CSRNP3: variants seen among roughly 807,000 people sequenced by gnomAD.
The protein encoded by CSRNP3 is cysteine and serine rich nuclear protein 3.
In CSRNP3, 12 loss-of-function variants were observed where a neutral mutation model predicts 48.0. The observed-to-expected ratio is 0.25, with a 90% CI of 0.16 to 0.41. The LOEUF (loss-of-function observed/expected upper bound fraction) is 0.41. CSRNP3 is among the 10% of genes least tolerant of loss of function. CSRNP3 has a pLI of 1.00. For synonymous variants in CSRNP3, 263 were observed against 269.7 expected, an observed-to-expected ratio of 0.98 and a Z score of 0.24; for missense variants, 580 against 724.4, an observed-to-expected ratio of 0.80 and a Z score of 2.29.
At chr2:165,596,813 CGTT>C (rs1685819322) in intron 4 of CSRNP3, among the ~76,000 whole-genome samples, 1 of 152,138 alleles carries the variant, frequency 6.6e-6, no homozygotes, top group African/African-American at 2.4e-5. Flanking sequence ...CATGAAAAAA[CGTT>C]GTAAAATGTC....
chr2:165,548,311 A>G lies in CSRNP3; in HGVS notation c.-24+30350A>G, dbSNP rs550902686. On this transcript the variant is annotated intron_variant, in intron 3 of 6. Transcript: ENST00000651982. The stretch of plus-strand genomic sequence containing the variant: ...ATTTCTGCCACTTACTAATAGTAGG[A>G]TCTTAACTATTATTTCATCTCTCCT... 4.0e-4 allele frequency among the ~76,000 whole-genome samples: 61 copies of G among 152,194 alleles called. 2 individuals carry two copies. Among genetic ancestry groups the G allele is most frequent in the African/African-American group, 1.4e-3 (58 of 41,558 alleles).
chr2:165,652,759 GT>G (rs1686935915), intron 4 of CSRNP3, among the ~76,000 whole-genome samples: 1 of 151,860 alleles, frequency 6.6e-6, no homozygotes, highest in African/African-American at 2.4e-5. Context: ...GCTCAGGCTG[GT>G]CTCGAACTCC....
rs1222724161 is a variant in CSRNP3 at position 165,469,702 on chromosome 2, T to C, written c.-321T>C. On this transcript the variant is annotated 5_prime_UTR_variant, in exon 1 of 7. Transcript: ENST00000651982. ...AGGGAGGAGTGTACTCTCTTCAGTG[T>C]GTTCTGACGGAGCCGAAGTACAGAA... 6.6e-6 allele frequency: 1 copy of C among 152,452 alleles called. No homozygotes were observed. Among genetic ancestry groups the C allele is most frequent in the South Asian group, 2.1e-4 (1 of 4,826 alleles). The allele number at this position is 152,452 out of a possible 1,614,324, so 9.4% of individuals were successfully genotyped here.
At chr2:165,645,798 TG>T (rs1420670571) in intron 4 of CSRNP3, among the ~76,000 whole-genome samples, 1 of 152,214 alleles carries the variant, frequency 6.6e-6, no homozygotes, top group African/African-American at 2.4e-5. Context: ...TAGGCTGGAG[TG>T]CAATGGCAAG....
At chr2:165,486,172 T>G (rs12151823) in intron 1 of CSRNP3, among the ~76,000 whole-genome samples, 59 of 152,220 alleles carry the variant, frequency 3.9e-4, no homozygotes, top group Non-Finnish European at 7.2e-4. Flanking sequence ...CCGAGTCAAA[T>G]AAATGGGTGA....
At chr2:165,570,524 A>C (rs1685355077) in intron 3 of CSRNP3, among the ~76,000 whole-genome samples, 1 of 151,676 alleles carries the variant, frequency 6.6e-6, no homozygotes, top group Admixed American at 6.6e-5. Flanking sequence ...CTTGCAAATA[A>C]CTTAGTTTTC....
At chr2:165,483,982 A>G (rs982916611) in intron 1 of CSRNP3, among the ~76,000 whole-genome samples, 9 of 152,246 alleles carry the variant, frequency 5.9e-5, no homozygotes, top group African/African-American at 2.2e-4. Flanking sequence ...TTGAATAAAT[A>G]TAGCAATTGT....
chr2:165,529,617 A>G (rs1449167724), intron 3 of CSRNP3, among the ~76,000 whole-genome samples: 1 of 152,212 alleles, frequency 6.6e-6, no homozygotes, highest in African/African-American at 2.4e-5. Context: ...GTATAAATAC[A>G]TATACACACA....
intron 4 of CSRNP3, among the ~76,000 whole-genome samples, chr2:165,599,283 G>GAGAAAGAA (rs752383197): frequency 0.12 from 12,439 of 104,482 alleles, 820 homozygotes; most frequent in East Asian, 0.18. Context: ...AAGAGAGAGA[G>GAGAAAGAA]AGAAAGAAAG....
chr2:165,511,980 T>C (rs1422268663), intron 2 of CSRNP3, among the ~76,000 whole-genome samples: 2 of 152,136 alleles, frequency 1.3e-5, no homozygotes, highest in Non-Finnish European at 2.9e-5. Context: ...GGTGAGTGTA[T>C]GTGCAAGGGA....
At chr2:165,618,250 G>C (rs930246614) in intron 4 of CSRNP3, among the ~76,000 whole-genome samples, 1 of 152,148 alleles carries the variant, frequency 6.6e-6, no homozygotes, top group Non-Finnish European at 1.5e-5. Flanking sequence ...CTCCATCCTG[G>C]CTTTGAGCCA....
At chr2:165,476,954 G>A (rs190138679) in intron 1 of CSRNP3, among the ~76,000 whole-genome samples, 53 of 152,196 alleles carry the variant, frequency 3.5e-4, no homozygotes, top group African/African-American at 1.2e-3. Flanking sequence ...TATTTGTAAT[G>A]ACTTCCTAAG....
chr2:165,656,571 A>G (rs2168009), intron 4 of CSRNP3, among the ~76,000 whole-genome samples: 17 of 152,190 alleles, frequency 1.1e-4, no homozygotes, highest in Non-Finnish European at 1.9e-4. Flanking sequence ...AAGAAAAAGT[A>G]GTTCTGATAT....
At position 165,680,246 on chromosome 2, in the gene CSRNP3, T is replaced by A. The variant is rs1687511291; in HGVS notation, c.*493T>A. On this transcript the variant is annotated 3_prime_UTR_variant, in exon 7 of 7. Transcript: ENST00000651982. ...TTTATGGTAGTTTAGAAGACATGTT[T>A]TGATGAAAATGAACAGCCGCATGTT... 6.5e-6 allele frequency: 1 copy of A among 154,194 alleles called. No individual in the cohort carries two copies. The highest frequency in any genetic ancestry group is 2.4e-5 in the African/African-American group (1 of 41,454). 9.6% of individuals were successfully genotyped at this position (154,194 alleles called of 1,614,324 possible). A position where few individuals can be genotyped will look rare whatever the true frequency, so the allele number is the denominator to read the frequency against.
chr2:165,580,524 T>G (rs1466383683), intron 3 of CSRNP3, among the ~76,000 whole-genome samples: 1 of 152,214 alleles, frequency 6.6e-6, no homozygotes, highest in African/African-American at 2.4e-5. Flanking sequence ...TCCTTTATTT[T>G]TTGTGCAGTA....
intron 4 of CSRNP3, among the ~76,000 whole-genome samples, chr2:165,599,093 C>A (rs960646738): frequency 6.6e-6 from 1 of 151,604 alleles, no homozygotes; most frequent in Non-Finnish European, 1.5e-5. Context: ...AGAAAAATAG[C>A]CAAGTATGGT....
At chr2:165,521,862 C>T (rs1231423271) in intron 3 of CSRNP3, among the ~76,000 whole-genome samples, 2 of 152,240 alleles carry the variant, frequency 1.3e-5, no homozygotes, top group East Asian at 3.9e-4. Flanking sequence ...CCGATGTCCC[C>T]TCAGAGCAAA....
At chr2:165,575,881 TA>T (rs1256724124) in intron 3 of CSRNP3, among the ~76,000 whole-genome samples, 21 of 152,092 alleles carry the variant, frequency 1.4e-4, no homozygotes, top group Non-Finnish European at 2.4e-4. Flanking sequence ...TATGAGCTTT[TA>T]AAAAATTCAA....
chr2:165,492,849 T>C (rs1286292669), intron 1 of CSRNP3, among the ~76,000 whole-genome samples: 1 of 145,770 alleles, frequency 6.9e-6, no homozygotes, highest in Non-Finnish European at 1.5e-5. Flanking sequence ...TACTGAATAA[T>C]GAATGGCCCT....
Sources: gnomAD v4.1 joint callset for allele counts (sites outside exome capture counted in the v4.1 genomes callset) on GRCh38, gnomAD v4.1.1 for gene constraint, MANE v1.5 for transcripts, NCBI Gene and HGNC (gene_info 2026-07-23, HGNC 2026-07-21) for gene names.